Variants in LRBA observed in about 807,000 individuals in gnomAD.
The protein encoded by LRBA is LPS responsive beige-like anchor protein.
In LRBA, 176 loss-of-function variants were observed where a neutral mutation model predicts 330.0. The ratio of observed to expected loss-of-function variants is 0.53; its 90% CI spans 0.47 to 0.60. The LOEUF (loss-of-function observed/expected upper bound fraction) is 0.60. LRBA is among the 20% of genes least tolerant of loss of function. LRBA has a pLI of 0.00. For synonymous variants in LRBA, 1,230 were observed against 1,193.0 expected, an observed-to-expected ratio of 1.03 and a Z score of -0.64; for missense variants, 3,259 against 3,444.8, an observed-to-expected ratio of 0.95 and a Z score of 1.35.
intron 37 of LRBA, among the ~76,000 whole-genome samples, chr4:150,680,679 C>G (rs1782977590): frequency 6.6e-6 from 1 of 152,000 alleles, no homozygotes; most frequent in South Asian, 2.1e-4. Flanking sequence ...ATTCTTTTTT[C>G]CCCGGCTTGC....
intron 2 of LRBA, among the ~76,000 whole-genome samples, chr4:150,954,915 A>G (rs1737372241): frequency 6.7e-6 from 1 of 148,200 alleles, no homozygotes; most frequent in Non-Finnish European, 1.5e-5. Flanking sequence ...GAAATTTTGG[A>G]AACTCAACAA....
Position 150,906,456 on chromosome 4 carries a change from T to C in LRBA, c.1494-51A>G, listed in dbSNP as rs774760265. 17 of 1,029,996 alleles carry C rather than the reference T, an allele frequency of 1.7e-5. No individual in the cohort carries two copies. The Admixed American group carries it at 2.0e-4, about 12-fold the overall frequency. The allele number at this position is 1,029,996 out of a possible 1,614,324, so 63.8% of individuals were successfully genotyped here. On this transcript the variant is annotated intron_variant, in intron 11 of 56. Coordinates refer to ENST00000651943, the MANE Select transcript of LRBA (RefSeq NM_001364905.1). The stretch of plus-strand genomic sequence containing the variant: ...TTAAAAAAACATATTCTATTTTTTT[T>C]AAATTAGGTTAGATAGATGTAACCC...
intron 2 of LRBA, among the ~76,000 whole-genome samples, chr4:150,944,988 C>T (rs751862174): frequency 5.9e-5 from 9 of 152,206 alleles, no homozygotes; most frequent in Non-Finnish European, 1.0e-4. Context: ...CCTTCGCCTT[C>T]CACTACGACT....
rs372046063 is a variant in LRBA at position 150,916,444 on chromosome 4, T to C, written c.851A>G (p.Lys284Arg). The change falls in exon 7 of 57, where the codon AAA (lysine) becomes AGA (arginine). Residue 284 changes from lysine (K) to arginine (R), a missense_variant. Lys to Arg is a conservative substitution (Grantham distance 26). Transcript: ENST00000651943. Reference sequence around the variant, plus strand: ...AAATTTCACACAGTGTTGAAAGCCTTTTCCTTTTGACTTTATTGATGTTAC... The same window carrying C: ...AAATTTCACACAGTGTTGAAAGCCTCTTCCTTTTGACTTTATTGATGTTAC... ...LIVTSIKSKG[K>R]GFQHCVKFDF... 1.2e-6 allele frequency: 2 copies of C among 1,613,804 alleles called. No individual in the cohort carries two copies. Among genetic ancestry groups the C allele is most frequent in the Non-Finnish European group, 1.7e-6 (2 of 1,179,852 alleles).
intron 2 of LRBA, among the ~76,000 whole-genome samples, chr4:150,947,647 A>G (rs2149537106): frequency 6.6e-6 from 1 of 152,142 alleles, no homozygotes; most frequent in Middle Eastern, 3.4e-3. Context: ...CACTCTCACT[A>G]CTTTTATTCA....
intron 16 of LRBA, among the ~76,000 whole-genome samples, chr4:150,893,538 C>A (rs1049259780): frequency 6.6e-6 from 1 of 152,040 alleles, no homozygotes; most frequent in Non-Finnish European, 1.5e-5. Flanking sequence ...TTGGTAGAGA[C>A]AAGGTTTCAC....
chr4:150,947,856 ACC>A (rs1399390959), intron 2 of LRBA, among the ~76,000 whole-genome samples: 7 of 152,094 alleles, frequency 4.6e-5, no homozygotes, highest in African/African-American at 1.7e-4. Context: ...TCCATATACT[ACC>A]AAGGAACATG....
At chr4:150,654,940 T>TC (rs1179733027) in intron 37 of LRBA, among the ~76,000 whole-genome samples, 4 of 152,164 alleles carry the variant, frequency 2.6e-5, no homozygotes, top group African/African-American at 9.7e-5. Context: ...ATCCAGTCTA[T>TC]CATTGTTGGA....
At chr4:150,721,500 TA>T in intron 36 of LRBA, 1 of 233,126 alleles carries the variant, frequency 4.3e-6, no homozygotes, top group Non-Finnish European at 8.3e-6. Context: ...AAAAGACTCC[TA>T]AGAAGAACTG....
intron 17 of LRBA, among the ~76,000 whole-genome samples, chr4:150,875,297 T>A (rs901711282): frequency 2.1e-4 from 32 of 152,192 alleles, no homozygotes; most frequent in Admixed American, 1.2e-3. Flanking sequence ...AGCCAGTAGA[T>A]CTCCAGGAAT....
At chr4:150,707,646 G>A (rs1037367710) in intron 36 of LRBA, among the ~76,000 whole-genome samples, 3 of 151,600 alleles carry the variant, frequency 2.0e-5, no homozygotes, top group Non-Finnish European at 4.4e-5. Flanking sequence ...GAAAAGGAGA[G>A]GAGAGAAGCC....
In LRBA at chr4:150,476,012, T is replaced by C. The variant is rs573978844; in HGVS notation, c.6552-4273A>G. ...AGTAATTTGTGTCATCTTTCATGGTTAGGTTAAAGTCTGTCAATTTTACTG... is the reference window on the plus strand; with the variant it reads ...AGTAATTTGTGTCATCTTTCATGGTCAGGTTAAAGTCTGTCAATTTTACTG... On this transcript the variant is annotated intron_variant, in intron 42 of 56. Transcript: ENST00000651943. Among the ~76,000 whole-genome samples the C allele has an allele frequency of 3.9e-5, 6 of 152,306 alleles. 1 individual carries two copies. The South Asian group carries it at 1.2e-3, about 32-fold the overall frequency.
At chr4:151,004,882 G>C (rs1008615953) in intron 2 of LRBA, among the ~76,000 whole-genome samples, 1 of 152,084 alleles carries the variant, frequency 6.6e-6, no homozygotes. Flanking sequence ...AGCTACTCGG[G>C]AGGCTGAAAC....
chr4:150,509,502 A>G (rs1761570180), intron 40 of LRBA, among the ~76,000 whole-genome samples: 1 of 152,048 alleles, frequency 6.6e-6, no homozygotes, highest in South Asian at 2.1e-4. Context: ...AAAAAGAAAA[A>G]TAAGAGCAAG....
At chr4:150,558,175 A>C (rs1767578541) in intron 40 of LRBA, among the ~76,000 whole-genome samples, 1 of 152,180 alleles carries the variant, frequency 6.6e-6, no homozygotes, top group Non-Finnish European at 1.5e-5. Context: ...CTAGAATTAC[A>C]GACATGAGCC....
rs533452820 is a variant in LRBA, at chr4:150,491,317, A to G, written c.6331-282T>C. ...CTGCTTCTGAAGAAATACATATTGC[A>G]TCATTTACTGATTGATTTTTAAACC... is the stretch of plus-strand genomic sequence containing the variant. On this transcript the variant is annotated intron_variant, in intron 40 of 56. Coordinates refer to ENST00000651943, the MANE Select transcript of LRBA (RefSeq NM_001364905.1). Among the ~76,000 whole-genome samples the G allele has an allele frequency of 1.5e-3, 235 of 152,164 alleles. 1 individual carries two copies. Among genetic ancestry groups the G allele is most frequent in the Non-Finnish European group, 5.7e-4 (39 of 67,934 alleles).
chr4:150,380,982 C>CAA (rs58528401), intron 47 of LRBA, among the ~76,000 whole-genome samples: 1 of 61,000 alleles, frequency 1.6e-5, no homozygotes, highest in African/African-American at 6.6e-5. Flanking sequence ...AACTCCATCT[C>CAA]AAAAAAAAAA....
At chr4:150,849,715 G>A (rs1256860752) in intron 24 of LRBA, 140 bp from the exon 25 acceptor site, 1 of 655,582 alleles carries the variant, frequency 1.5e-6, no homozygotes, top group African/African-American at 1.8e-5. Context: ...GGCATTTGGA[G>A]GGTGTATACT....
chr4:150,846,296 C>T (rs1308055057), intron 26 of LRBA, among the ~76,000 whole-genome samples: 7 of 151,742 alleles, frequency 4.6e-5, no homozygotes, highest in East Asian at 1.9e-4. Flanking sequence ...TTTGGGAGGC[C>T]GAGGCGGGGG....
Sources: gnomAD v4.1 joint callset for allele counts (sites outside exome capture counted in the v4.1 genomes callset) on GRCh38, gnomAD v4.1.1 for gene constraint, MANE v1.5 for transcripts, NCBI Gene and HGNC (gene_info 2026-07-23, HGNC 2026-07-21) for gene names.